Variants in KIAA1549L observed in about 807,000 individuals in gnomAD.
KIAA1549L encodes the protein KIAA1549 like.
KIAA1549L carries 88 observed loss-of-function variants against 160.7 expected under a neutral mutation model. The ratio of observed to expected loss-of-function variants is 0.55; its 90% CI spans 0.46 to 0.65. KIAA1549L has a LOEUF of 0.65. Among genes scored for constraint, KIAA1549L ranks in the 30% least tolerant of loss-of-function variants. KIAA1549L has a pLI of 0.00. For synonymous variants in KIAA1549L, 950 were observed against 976.7 expected (o/e 0.97, Z 0.51); for missense variants, 2,258 against 2,437.5 (o/e 0.93, Z 1.55).
At chr11:33,526,900 A>T (rs1460755232) in intron 1 of KIAA1549L, among the ~76,000 whole-genome samples, 1 of 152,212 alleles carries the variant, frequency 6.6e-6, no homozygotes, top group African/African-American at 2.4e-5. Context: ...AAAGAAATTT[A>T]AAAAATAATA....
At chr11:33,399,757 T>C (rs1850461235) in intron 1 of KIAA1549L, among the ~76,000 whole-genome samples, 1 of 152,200 alleles carries the variant, frequency 6.6e-6, no homozygotes, top group Admixed American at 6.5e-5. Context: ...TTAAATCCCT[T>C]CCCAAACCTT....
chr11:33,612,940 T>C (rs1384186745), intron 15 of KIAA1549L, among the ~76,000 whole-genome samples: 1 of 152,224 alleles, frequency 6.6e-6, no homozygotes, highest in East Asian at 1.9e-4. Context: ...GATCTTGTTC[T>C]TTATTATGGC....
At chr11:33,659,474 G>GTT (rs1852188754) in intron 19 of KIAA1549L, among the ~76,000 whole-genome samples, 1 of 152,190 alleles carries the variant, frequency 6.6e-6, no homozygotes, top group South Asian at 2.1e-4. Flanking sequence ...ATAAGCCACA[G>GTT]TTTAGACTTT....
chr11:33,564,174 T>C (rs1377492369), intron 8 of KIAA1549L, among the ~76,000 whole-genome samples: 1 of 152,160 alleles, frequency 6.6e-6, no homozygotes, highest in Non-Finnish European at 1.5e-5. Flanking sequence ...GCCTTCCCTT[T>C]GACCTGTGAC....
chr11:33,635,893 C>T (rs1369982793), intron 16 of KIAA1549L, among the ~76,000 whole-genome samples: 2 of 152,204 alleles, frequency 1.3e-5, no homozygotes, highest in Admixed American at 6.5e-5. Context: ...GTAGTCACCA[C>T]TTATCCATGG....
chr11:33,396,530 G>C (rs1590217485), intron 1 of KIAA1549L, among the ~76,000 whole-genome samples: 1 of 152,310 alleles, frequency 6.6e-6, no homozygotes, highest in Non-Finnish European at 1.5e-5. Flanking sequence ...GACTTGACGG[G>C]GTCTGGGATC....
chr11:33,405,396 A>C (rs1347102134), intron 1 of KIAA1549L, among the ~76,000 whole-genome samples: 1 of 152,202 alleles, frequency 6.6e-6, no homozygotes, highest in Non-Finnish European at 1.5e-5. Context: ...GAGCTACAAA[A>C]TTATTAAGCA....
chr11:33,567,974 C>T, intron 8 of KIAA1549L, 102 bp from the exon 9 acceptor site: 3 of 1,236,952 alleles, frequency 2.4e-6, no homozygotes, highest in Non-Finnish European at 3.3e-6. Context: ...AGGTAGGACA[C>T]AGTGGCCCTT....
rs371577680 is a variant in KIAA1549L, at chr11:33,536,137, A to G, written c.239-5665A>G. 8.6e-4 allele frequency among the ~76,000 whole-genome samples: 131 copies of G among 152,326 alleles called. No homozygotes were observed. The South Asian group carries it at 0.025, about 29-fold the overall frequency. On this transcript the variant is annotated intron_variant, in intron 1 of 20. Transcript: ENST00000658780. ...AAGCTATAGAGACTCATTTCCCAGAAGTGAGGGACACGACCACACATATAC... is the reference window on the plus strand; with the variant it reads ...AAGCTATAGAGACTCATTTCCCAGAGGTGAGGGACACGACCACACATATAC...
chr11:33,612,620 T>C (rs1333233374), intron 15 of KIAA1549L, among the ~76,000 whole-genome samples: 1 of 151,888 alleles, frequency 6.6e-6, no homozygotes, highest in Non-Finnish European at 1.5e-5. Context: ...TTTTCTTTTC[T>C]TTTAGGTTTG....
intron 1 of KIAA1549L, among the ~76,000 whole-genome samples, chr11:33,529,693 C>T (rs1307065306): frequency 1.3e-5 from 2 of 152,170 alleles, no homozygotes; most frequent in African/African-American, 4.8e-5. Flanking sequence ...GTGAGGATCA[C>T]AGCTTGTAAA....
intron 1 of KIAA1549L, among the ~76,000 whole-genome samples, chr11:33,471,926 AAGC>A (rs760948391): frequency 6.6e-6 from 1 of 152,194 alleles, no homozygotes; most frequent in Non-Finnish European, 1.5e-5. Flanking sequence ...ACAATGGCTT[AAGC>A]ATAGAAGGTT....
chr11:33,426,338 T>C (rs1331470433), intron 1 of KIAA1549L, among the ~76,000 whole-genome samples: 6 of 152,126 alleles, frequency 3.9e-5, no homozygotes, highest in African/African-American at 1.4e-4. Context: ...AATATCCTGT[T>C]TTATGGGAAG....
chr11:33,643,643 G>A (rs143940947), intron 16 of KIAA1549L, among the ~76,000 whole-genome samples: 7 of 152,298 alleles, frequency 4.6e-5, no homozygotes, highest in African/African-American at 1.7e-4. Context: ...TACATGAGAG[G>A]CAGTGCCGTG....
intron 13 of KIAA1549L, among the ~76,000 whole-genome samples, chr11:33,605,923 C>T (rs796143831): frequency 1.1e-4 from 17 of 152,302 alleles, no homozygotes; most frequent in African/African-American, 3.8e-4. Context: ...TCAAGGCAGA[C>T]TGGTGTCTTT....
At chr11:33,549,791 G>A (rs1442459681) in intron 4 of KIAA1549L, among the ~76,000 whole-genome samples, 1 of 152,092 alleles carries the variant, frequency 6.6e-6, no homozygotes, top group African/African-American at 2.4e-5. Context: ...GTCACTTGAG[G>A]CCAGCAGTTT....
At chr11:33,440,153 G>A (rs1368700557) in intron 1 of KIAA1549L, among the ~76,000 whole-genome samples, 4 of 76,890 alleles carry the variant, frequency 5.2e-5, no homozygotes, top group Non-Finnish European at 8.3e-5. Context: ...TTTTTGAGAC[G>A]GAGTCTCGCT....
chr11:33,668,519 G>C lies in KIAA1549L; in HGVS notation c.*365G>C. ...AAATCACCGGAAGCGGGAGAATGTA[G>C]CTCTTATCTTCGGTGACCTCTGCAT... is the stretch of plus-strand genomic sequence containing the variant. On this transcript the variant is annotated 3_prime_UTR_variant, in exon 21 of 21. Transcript: ENST00000658780. 3.4e-6 allele frequency: 1 copy of C among 292,272 alleles called. No homozygotes were observed. Among genetic ancestry groups the C allele is most frequent in the South Asian group, 4.8e-5 (1 of 20,686 alleles). 18.1% of individuals were successfully genotyped at this position (292,272 alleles called of 1,614,324 possible).
intron 1 of KIAA1549L, among the ~76,000 whole-genome samples, chr11:33,482,242 T>C (rs1351961397): frequency 1.3e-5 from 2 of 152,218 alleles, no homozygotes; most frequent in Non-Finnish European, 2.9e-5. Context: ...TCTTGAATTT[T>C]CTAGGACTAT....
Sources: gnomAD v4.1 joint callset for allele counts (sites outside exome capture counted in the v4.1 genomes callset) on GRCh38, gnomAD v4.1.1 for gene constraint, MANE v1.5 for transcripts, NCBI Gene and HGNC (gene_info 2026-07-23, HGNC 2026-07-21) for gene names.